The following ANKFN1 variants were observed in gnomAD, a reference collection of about 807,000 sequenced individuals.
ANKFN1 encodes ankyrin repeat and fibronectin type-III domain-containing protein 1.
ANKFN1 carries 74 observed loss-of-function variants against 108.7 expected under a neutral mutation model. The observed-to-expected ratio is 0.68, with a 90% CI of 0.56 to 0.83. The LOEUF is 0.83. ANKFN1 is among the 40% of genes least tolerant of loss of function. The pLI is 0.00. For synonymous variants in ANKFN1, 547 were observed against 516.2 expected, an observed-to-expected ratio of 1.06 and a Z score of -0.81; for missense variants, 1,505 against 1,382.3, an observed-to-expected ratio of 1.09 and a Z score of -1.41.
intron 8 of ANKFN1, among the ~76,000 whole-genome samples, chr17:56,408,926 T>G (rs1453389159): frequency 8.7e-6 from 1 of 115,310 alleles, no homozygotes; most frequent in African/African-American, 4.1e-5. Context: ...GCTTTTAAGA[T>G]TTTTTTTTTT....
intron 4 of ANKFN1, among the ~76,000 whole-genome samples, chr17:56,097,657 G>T (rs1905559596): frequency 6.6e-6 from 1 of 152,162 alleles, no homozygotes. Context: ...TCACTCTTCT[G>T]CTCAGAACCT....
At chr17:56,391,368 A>ATGTGTGTGTGTG (rs199687714) in intron 8 of ANKFN1, among the ~76,000 whole-genome samples, 8 of 128,714 alleles carry the variant, frequency 6.2e-5, no homozygotes, top group Non-Finnish European at 1.3e-4. Context: ...ACATATATAT[A>ATGTGTGTGTGTG]TGTGTGTGTG....
chr17:56,170,340 G>T (rs560340529), intron 1 of ANKFN1, among the ~76,000 whole-genome samples: 3 of 152,154 alleles, frequency 2.0e-5, no homozygotes, highest in South Asian at 4.1e-4. Context: ...ACGGGAGTAC[G>T]TATAAGAGCT....
At chr17:56,448,269 T>C (rs2049360563) in intron 10 of ANKFN1, among the ~76,000 whole-genome samples, 1 of 151,650 alleles carries the variant, frequency 6.6e-6, no homozygotes, top group Non-Finnish European at 1.5e-5. Flanking sequence ...CTGAAATGAC[T>C]GACCTGCTGA....
chr17:56,393,365 C>T (rs62075339), intron 8 of ANKFN1, among the ~76,000 whole-genome samples: 9,988 of 152,292 alleles, frequency 0.066, 423 homozygotes, highest in Middle Eastern at 0.14. Context: ...CTGGCCCCCA[C>T]CTCCCACCCA....
intron 1 of ANKFN1, among the ~76,000 whole-genome samples, chr17:56,187,197 G>T (rs186881043): frequency 6.6e-6 from 1 of 152,262 alleles, no homozygotes; most frequent in Non-Finnish European, 1.5e-5. Context: ...CTGACAAAGG[G>T]CTAATATCCA....
In ANKFN1 at chr17:56,256,007, C is replaced by T. The variant is rs2043348415; in HGVS notation, c.53+28050C>T. 1.3e-5 allele frequency among the ~76,000 whole-genome samples: 2 copies of T among 152,022 alleles called. 1 individual carries two copies. Among genetic ancestry groups the T allele is most frequent in the South Asian group, 4.2e-4 (2 of 4,818 alleles). On this transcript the variant is annotated intron_variant, in intron 3 of 20. Coordinates refer to ENST00000682825, the MANE Select transcript of ANKFN1 (RefSeq NM_001370326.1). ...TGGGCAACCTGGCAAAACTCTATAT[C>T]TATTTTAATTTTAATAAATAAATAA...
chr17:56,283,591 A>G (rs1211213660), intron 3 of ANKFN1, among the ~76,000 whole-genome samples: 1 of 151,576 alleles, frequency 6.6e-6, no homozygotes, highest in African/African-American at 2.4e-5. Context: ...ATTCGCAGCA[A>G]CCTGGATAGA....
chr17:56,267,602 T>G (rs2043685719), intron 3 of ANKFN1, among the ~76,000 whole-genome samples: 2 of 152,222 alleles, frequency 1.3e-5, no homozygotes, highest in Non-Finnish European at 2.9e-5. Flanking sequence ...AGTTTCAATC[T>G]TCTACATATG....
At chr17:56,417,847 T>C (rs1292421309) in intron 8 of ANKFN1, among the ~76,000 whole-genome samples, 2 of 152,226 alleles carry the variant, frequency 1.3e-5, no homozygotes, top group African/African-American at 2.4e-5. Context: ...TAGAACTCTC[T>C]GAAGTCCACC....
rs183101948 is a variant in ANKFN1 at position 56,431,403 on chromosome 17, A to G, written c.911-8924A>G. Among the ~76,000 whole-genome samples, 42 of 152,308 alleles carry G rather than the reference A, an allele frequency of 2.8e-4. 1 individual carries two copies. Among genetic ancestry groups the G allele is most frequent in the South Asian group, 2.3e-3 (11 of 4,816 alleles). On this transcript the variant is annotated intron_variant, in intron 8 of 20. Coordinates refer to ENST00000682825, the MANE Select transcript of ANKFN1 (RefSeq NM_001370326.1). ...GTTTCTCCTCCCTGGGCACAGGGTA[A>G]ATGCAGGGAATAATATGACCTAAGG... is the stretch of plus-strand genomic sequence containing the variant.
At chr17:56,194,321 A>G (rs1913295116) in intron 1 of ANKFN1, among the ~76,000 whole-genome samples, 1 of 152,238 alleles carries the variant, frequency 6.6e-6, no homozygotes, top group Non-Finnish European at 1.5e-5. Context: ...ATTGATTTTT[A>G]TAGCAGCTTT....
intron 10 of ANKFN1, among the ~76,000 whole-genome samples, chr17:56,447,214 CTCTT>C (rs1051883171): frequency 6.6e-6 from 1 of 152,172 alleles, no homozygotes; most frequent in African/African-American, 2.4e-5. Flanking sequence ...CAGAGCAAGA[CTCTT>C]TCTCAGAAAA....
intron 4 of ANKFN1, among the ~76,000 whole-genome samples, chr17:56,136,626 G>A (rs1907615180): frequency 6.6e-6 from 1 of 152,200 alleles, no homozygotes; most frequent in East Asian, 1.9e-4. Flanking sequence ...ATGCAGCACA[G>A]TGTGGGCAGA....
chr17:56,481,727 C>G (rs900449446), intron 17 of ANKFN1, among the ~76,000 whole-genome samples: 30 of 152,214 alleles, frequency 2.0e-4, no homozygotes, highest in African/African-American at 6.5e-4. Flanking sequence ...CTAAATTGCA[C>G]AAGATGCCAT....
chr17:56,062,563 T>TG (rs1904993621), intron 4 of ANKFN1, among the ~76,000 whole-genome samples: 1 of 150,866 alleles, frequency 6.6e-6, no homozygotes, highest in African/African-American at 2.5e-5. Context: ...TCTCTGCTTT[T>TG]TTTTTTTTTT....
intron 4 of ANKFN1, among the ~76,000 whole-genome samples, chr17:56,105,737 G>GTGTGTT (rs1905739144): frequency 6.7e-6 from 1 of 149,382 alleles, no homozygotes; most frequent in South Asian, 2.1e-4. Context: ...GTGTGTGTGT[G>GTGTGTT]TGTATGAGAC....
chr17:56,109,350 A>G (rs966474487), intron 4 of ANKFN1, among the ~76,000 whole-genome samples: 5 of 152,022 alleles, frequency 3.3e-5, no homozygotes, highest in Admixed American at 2.6e-4. Flanking sequence ...CCTCAGCACT[A>G]TTAACATTTT....
rs115263675 is a variant in ANKFN1 at position 56,372,712 on chromosome 17, G to A, written c.668G>A (p.Ser223Asn). ...TLVQEAQERV[S>N]ELSAQVENEG... The stretch of plus-strand genomic sequence containing the variant: ...GTCCAGGAAGCCCAGGAGAGGGTGA[G>A]TGAACTGTCTGCCCAGGTGGAGAAT... The change falls in exon 7 of 21, where the codon AGT (serine) becomes AAT (asparagine). Residue 223 changes from serine to asparagine, a missense_variant. Coordinates refer to ENST00000682825, the MANE Select transcript of ANKFN1 (RefSeq NM_001370326.1). The A allele has an allele frequency of 2.0e-3, 3,255 of 1,614,000 alleles. 62 individuals carry two copies. In the African/African-American group the frequency reaches 0.038, roughly 19 times the overall value.
Sources: gnomAD v4.1 joint callset for allele counts (sites outside exome capture counted in the v4.1 genomes callset) on GRCh38, gnomAD v4.1.1 for gene constraint, MANE v1.5 for transcripts, NCBI Gene and HGNC (gene_info 2026-07-23, HGNC 2026-07-21) for gene names.